The following CTNNA3 variants were observed in gnomAD, a reference collection of about 807,000 sequenced individuals.
The protein encoded by CTNNA3 is catenin alpha 3.
In CTNNA3, 76 loss-of-function variants were observed where a neutral mutation model predicts 95.7. The ratio of observed to expected loss-of-function variants is 0.79; its 90% CI spans 0.66 to 0.96. The LOEUF (loss-of-function observed/expected upper bound fraction) is 0.96. Ranked by LOEUF, CTNNA3 falls within the 40% of genes least tolerant of loss-of-function variation. CTNNA3 has a pLI of 0.00. For synonymous variants in CTNNA3, 431 were observed against 374.4 expected (o/e 1.15, Z -1.74); for missense variants, 1,191 against 1,089.8 (o/e 1.09, Z -1.31).
chr10:67,323,163 A>G (rs1451245779), intron 5 of CTNNA3, among the ~76,000 whole-genome samples: 1 of 152,058 alleles, frequency 6.6e-6, no homozygotes, highest in African/African-American at 2.4e-5. Context: ...CCCATTCTTT[A>G]GGTTGTCTGT....
intron 9 of CTNNA3, among the ~76,000 whole-genome samples, chr10:66,758,396 T>C (rs182216241): frequency 3.9e-5 from 6 of 152,294 alleles, no homozygotes; most frequent in African/African-American, 1.4e-4. Context: ...GAGCACGTCG[T>C]AGGGACTCAT....
intron 17 of CTNNA3, among the ~76,000 whole-genome samples, chr10:65,960,250 G>C (rs932669485): frequency 2.0e-5 from 3 of 151,852 alleles, no homozygotes; most frequent in Admixed American, 1.3e-4. Context: ...AGATTCAGGG[G>C]GTACGGCTGG....
rs1250805469 is a variant in CTNNA3, at chr10:67,483,616, C to T, written c.579+38226G>A. Reference sequence around the variant, plus strand: ...CACTCTGGGGACTGTTGTGGGGTGGCGGGAGGGGGGAGGAATAGCATTAGG... The same window carrying T: ...CACTCTGGGGACTGTTGTGGGGTGGTGGGAGGGGGGAGGAATAGCATTAGG... On this transcript the variant is annotated intron_variant, in intron 5 of 17. Coordinates refer to ENST00000433211, the MANE Select transcript of CTNNA3 (RefSeq NM_013266.4). Among the ~76,000 whole-genome samples, 8 of 146,620 alleles carry T rather than the reference C, an allele frequency of 5.5e-5. No homozygotes were observed. In the South Asian group the frequency reaches 8.6e-4, roughly 16 times the overall value.
At chr10:66,493,156 T>C (rs1839981801) in intron 11 of CTNNA3, among the ~76,000 whole-genome samples, 1 of 152,178 alleles carries the variant, frequency 6.6e-6, no homozygotes, top group African/African-American at 2.4e-5. Context: ...GAAATATTCA[T>C]CTGGAACAAT....
chr10:66,064,488 C>A (rs747284323), intron 15 of CTNNA3, among the ~76,000 whole-genome samples: 1 of 152,106 alleles, frequency 6.6e-6, no homozygotes, highest in Non-Finnish European at 1.5e-5. Flanking sequence ...ATTTGAAATT[C>A]ATCAGTTTAA....
chr10:66,489,592 A>G (rs1770735084), intron 11 of CTNNA3, among the ~76,000 whole-genome samples: 1 of 152,192 alleles, frequency 6.6e-6, no homozygotes, highest in Non-Finnish European at 1.5e-5. Flanking sequence ...GTGCATGCAC[A>G]CACACACGTG....
At chr10:66,218,887 A>G (rs999301343) in intron 13 of CTNNA3, among the ~76,000 whole-genome samples, 1 of 152,234 alleles carries the variant, frequency 6.6e-6, no homozygotes, top group Non-Finnish European at 1.5e-5. Flanking sequence ...GGGCAGATAC[A>G]GGACAGAGTC....
chr10:65,955,847 CTCT>C (rs1264064711), intron 17 of CTNNA3, among the ~76,000 whole-genome samples: 1 of 152,152 alleles, frequency 6.6e-6, no homozygotes, highest in East Asian at 1.9e-4. Flanking sequence ...GTCTAAAATT[CTCT>C]TTTTTTGTTG....
intron 5 of CTNNA3, among the ~76,000 whole-genome samples, chr10:67,386,798 T>C (rs1202450388): frequency 1.3e-5 from 2 of 152,316 alleles, no homozygotes; most frequent in East Asian, 3.9e-4. Flanking sequence ...AATGATTACA[T>C]GACTGATAAT....
intron 1 of CTNNA3, among the ~76,000 whole-genome samples, chr10:67,739,436 G>A (rs1176538027): frequency 1.3e-5 from 2 of 152,154 alleles, no homozygotes; most frequent in Non-Finnish European, 2.9e-5. Context: ...ATCTCCTTAA[G>A]CTGATAAGCA....
chr10:67,475,601 G>A (rs1177891752), intron 5 of CTNNA3, among the ~76,000 whole-genome samples: 1 of 151,930 alleles, frequency 6.6e-6, no homozygotes, highest in Non-Finnish European at 1.5e-5. Flanking sequence ...GATATATAGA[G>A]GTATTTAATT....
intron 6 of CTNNA3, among the ~76,000 whole-genome samples, chr10:67,182,274 T>C (rs1223871092): frequency 1.3e-5 from 2 of 152,200 alleles, no homozygotes; most frequent in African/African-American, 4.8e-5. Context: ...GGCATCACGC[T>C]ACCTGACTTT....
intron 14 of CTNNA3, among the ~76,000 whole-genome samples, chr10:66,096,525 T>TC (rs1244459623): frequency 7.9e-6 from 1 of 126,772 alleles, no homozygotes; most frequent in Non-Finnish European, 1.7e-5. Flanking sequence ...TTCTTTTCTT[T>TC]CTTTTTTTTT....
At chr10:66,980,058 G>A (rs1216232806) in intron 7 of CTNNA3, among the ~76,000 whole-genome samples, 6 of 152,126 alleles carry the variant, frequency 3.9e-5, no homozygotes, top group Non-Finnish European at 1.5e-5. Context: ...ATGTTTAGAG[G>A]CCTAGAATGT....
At chr10:67,482,876 G>C (rs1015951172) in intron 5 of CTNNA3, among the ~76,000 whole-genome samples, 1 of 152,128 alleles carries the variant, frequency 6.6e-6, no homozygotes, top group Non-Finnish European at 1.5e-5. Context: ...TATGGTATTG[G>C]CTGTGGGTTT....
At chr10:66,876,514 A>G (rs1844627712) in intron 7 of CTNNA3, among the ~76,000 whole-genome samples, 1 of 152,166 alleles carries the variant, frequency 6.6e-6, no homozygotes. Context: ...ATTCATTAGA[A>G]TGACTTTTGT....
chr10:67,085,899 G>A (rs1857283898), intron 7 of CTNNA3, among the ~76,000 whole-genome samples: 1 of 151,846 alleles, frequency 6.6e-6, no homozygotes, highest in South Asian at 2.1e-4. Flanking sequence ...AGACCAACCT[G>A]GCCAGCTTAA....
At chr10:66,958,819 A>AGAGCT in intron 7 of CTNNA3, among the ~76,000 whole-genome samples, 1 of 152,148 alleles carries the variant, frequency 6.6e-6, no homozygotes, top group Non-Finnish European at 1.5e-5. Context: ...AAGAAGAAGG[A>AGAGCT]AAGGAATTAA....
chr10:67,209,338 C>T (rs776803086), intron 6 of CTNNA3, among the ~76,000 whole-genome samples: 2 of 152,028 alleles, frequency 1.3e-5, no homozygotes, highest in African/African-American at 2.4e-5. Flanking sequence ...CATGAGCCAC[C>T]GCACGGGCCT....
Sources: gnomAD v4.1 joint callset for allele counts (sites outside exome capture counted in the v4.1 genomes callset) on GRCh38, gnomAD v4.1.1 for gene constraint, MANE v1.5 for transcripts, NCBI Gene and HGNC (gene_info 2026-07-23, HGNC 2026-07-21) for gene names.